CAD: variants seen among roughly 807,000 people sequenced by gnomAD.
CAD encodes the protein carbamoyl-phosphate synthetase 2, aspartate transcarbamylase, and dihydroorotase, also known as multifunctional protein CAD.
In CAD, 81 loss-of-function variants were observed where a neutral mutation model predicts 237.2. That is an observed-to-expected ratio of 0.34 (90% CI 0.29 to 0.41). The LOEUF is 0.41. Among genes scored for constraint, CAD ranks in the 10% least tolerant of loss-of-function variants. The probability of loss-of-function intolerance (pLI) is 1.00; values close to 1 mark genes in which losing one functional copy is unlikely to be tolerated. For synonymous variants in CAD, 1,196 were observed against 1,162.8 expected, an observed-to-expected ratio of 1.03 and a Z score of -0.58; for missense variants, 2,181 against 2,951.7, an observed-to-expected ratio of 0.74 and a Z score of 6.05.
Position 27,240,448 on chromosome 2 carries a change from C to A in CAD, c.5593+87C>A. On this transcript the variant is annotated intron_variant, in intron 35 of 43. Transcript: ENST00000264705. The surrounding 1 kb of genome is among the most constrained non-coding windows in gnomAD (Gnocchi z 4.6). ...GCCTCGCCTTTCTCTACTTACATGT[C>A]CTCCTCTCCATCCCTTTATCCTCGT... The A allele has an allele frequency of 6.8e-7, 1 of 1,478,534 alleles. No homozygotes were observed. Among genetic ancestry groups the A allele is most frequent in the Non-Finnish European group, 9.5e-7 (1 of 1,057,694 alleles). 91.6% of individuals were successfully genotyped at this position (1,478,534 alleles called of 1,614,324 possible).
In CAD at chr2:27,241,466, G is replaced by C. The variant is rs1356713828; in HGVS notation, c.5883+70G>C. 1 of 1,462,106 alleles carries C rather than the reference G, an allele frequency of 6.8e-7. No homozygotes were observed. Among genetic ancestry groups the C allele is most frequent in the Non-Finnish European group, 9.6e-7 (1 of 1,043,800 alleles). The allele number at this position is 1,462,106 out of a possible 1,614,324, so 90.6% of individuals were successfully genotyped here. On this transcript the variant is annotated intron_variant, in intron 38 of 43. Coordinates refer to ENST00000264705, the MANE Select transcript of CAD (RefSeq NM_004341.5). This position sits in a 1 kb window ranked among gnomAD's most constrained non-coding sequence, Gnocchi z 4.6. The stretch of plus-strand genomic sequence containing the variant: ...TTGGGCCGCATCAGCGCAGGGCCGC[G>C]CAGTGGTCAGAGTGGGTCTTCCTCC...
At chr2:27,225,553 C>CCCAA (rs372884350) in intron 11 of CAD, 152 bp from the exon 12 acceptor site, 2 of 618,442 alleles carry the variant, frequency 3.2e-6, no homozygotes, top group Admixed American at 2.8e-5. Flanking sequence ...TGATCCACCC[C>CCCAA]CCCGACCCTC....
chr2:27,236,252 G>C lies in CAD; in HGVS notation c.4075-32G>C. ...TAGCCTTCCTGACCGCTGCCAGACA[G>C]CTTGGCCCTGACCTTGACTCCGGGT... is the stretch of plus-strand genomic sequence containing the variant. On this transcript the variant is annotated intron_variant, in intron 25 of 43. Coordinates refer to ENST00000264705, the MANE Select transcript of CAD (RefSeq NM_004341.5). This position sits in a 1 kb window ranked among gnomAD's most constrained non-coding sequence, Gnocchi z 4.1. The C allele has an allele frequency of 6.2e-7, 1 of 1,608,998 alleles. No individual in the cohort carries two copies. The highest frequency in any genetic ancestry group is 1.1e-5 in the South Asian group (1 of 90,778).
chr2:27,225,622 C>G (rs1297764983), intron 11 of CAD, 83 bp from the exon 12 acceptor site: 1 of 1,097,472 alleles, frequency 9.1e-7, no homozygotes, highest in Non-Finnish European at 1.4e-6. Flanking sequence ...ATGTTATTTT[C>G]TTTATATCTT....
rs1161250149 is a variant in CAD at position 27,236,299 on chromosome 2, T to G, written c.4090T>G (p.Trp1364Gly). ...EHGVKVTAVD[W>G]HFEEAVDGEC... ...GGGTTGGCAGGTAACAGCTGTGGAC[T>G]GGCACTTTGAGGAGGCTGTGGATGG... is the stretch of plus-strand genomic sequence containing the variant. Residue 1364 changes from tryptophan (W) to glycine (G), a missense_variant, in exon 26 of 44, where the codon TGG (tryptophan) becomes GGG (glycine). Physicochemically the swap from Trp to Gly is radical, Grantham distance 184. Around this residue, in one of 12 missense-constraint regions of CAD, gnomAD observed 306 missense variants for 607.9 expected, o/e 0.50. Coordinates refer to ENST00000264705, the MANE Select transcript of CAD (RefSeq NM_004341.5). The surrounding 1 kb of genome is among the most constrained non-coding windows in gnomAD (Gnocchi z 4.1). 1 of 1,614,002 alleles carries G rather than the reference T, an allele frequency of 6.2e-7. No individual in the cohort carries two copies. Among genetic ancestry groups the G allele is most frequent in the Non-Finnish European group, 8.5e-7 (1 of 1,179,962 alleles).
Position 27,223,651 on chromosome 2 carries a change from G to A in CAD, c.898G>A (p.Glu300Lys), listed in dbSNP as rs1675290200. 1.2e-6 allele frequency: 2 copies of A among 1,614,024 alleles called. No homozygotes were observed. Among genetic ancestry groups the A allele is most frequent in the African/African-American group, 2.7e-5 (2 of 74,916 alleles). Residue 300 changes from glutamate (E) to lysine (K), a missense_variant, in exon 7 of 44, where the codon GAG becomes AAG. Glu to Lys is a moderately conservative substitution (Grantham distance 56). Around this residue, in one of 12 missense-constraint regions of CAD, gnomAD observed 129 missense variants for 143.3 expected, o/e 0.90. Coordinates refer to ENST00000264705, the MANE Select transcript of CAD (RefSeq NM_004341.5). Reference protein sequence around the residue: ...LTSQNHGFAVETDSLPADWAP... With the variant: ...LTSQNHGFAVKTDSLPADWAP... ...ATCCCAGAACCATGGGTTTGCTGTGGAGACAGACTCACTGCCAGCAGACTG... is the reference window on the plus strand; with the variant it reads ...ATCCCAGAACCATGGGTTTGCTGTGAAGACAGACTCACTGCCAGCAGACTG...
chr2:27,237,779 C>G lies in CAD; in HGVS notation c.4625C>G (p.Ala1542Gly). ...ALFLGASSEN[A>G]GTLGTVAGSA... ...TTCCTTGGGGCCTCGTCTGAAAATG[C>G]AGGAACCTTGGGCACCGTGGCCGGG... Residue 1542 changes from alanine (A) to glycine (G), a missense_variant, in exon 29 of 44, where the codon GCA becomes GGA. Physicochemically the swap from Ala to Gly is moderately conservative, Grantham distance 60. Transcript: ENST00000264705. This position sits in a 1 kb window ranked among gnomAD's most constrained non-coding sequence, Gnocchi z 4.0. The G allele has an allele frequency of 6.2e-7, 1 of 1,614,252 alleles. No homozygotes were observed.
rs1276938398 is a variant in CAD at position 27,242,500 on chromosome 2, G to A, written c.6222+73G>A. On this transcript the variant is annotated intron_variant, in intron 40 of 43. Transcript: ENST00000264705. This position sits in a 1 kb window ranked among gnomAD's most constrained non-coding sequence, Gnocchi z 6.4. ...GAGGGAGGCAGGAAGTGGTTACCCC[G>A]GTACAGGACAGCTGCATCAAGGAGG... 5.7e-6 allele frequency: 9 copies of A among 1,577,760 alleles called. No homozygotes were observed. Among genetic ancestry groups the A allele is most frequent in the East Asian group, 4.5e-5 (2 of 44,372 alleles).
Position 27,242,595 on chromosome 2 carries a change from T to C in CAD, c.6223-25T>C, listed in dbSNP as rs763863308. 3.5e-5 allele frequency: 55 copies of C among 1,578,358 alleles called. No individual in the cohort carries two copies. The highest frequency in any genetic ancestry group is 4.4e-5 in the Non-Finnish European group (51 of 1,158,094). On this transcript the variant is annotated intron_variant, in intron 40 of 43. Coordinates refer to ENST00000264705, the MANE Select transcript of CAD (RefSeq NM_004341.5). This position sits in a 1 kb window ranked among gnomAD's most constrained non-coding sequence, Gnocchi z 6.4. ...CGGGGGGCACTCAGTCTGGGATCCC[T>C]GTGGTGACTGGATTCCTCTCCTAGA...
chr2:27,242,163 T>C lies in CAD; in HGVS notation c.6096+40T>C. 1.2e-6 allele frequency: 2 copies of C among 1,603,812 alleles called. No individual in the cohort carries two copies. The highest frequency in any genetic ancestry group is 1.7e-6 in the Non-Finnish European group (2 of 1,173,576). On this transcript the variant is annotated intron_variant, in intron 39 of 43. Transcript: ENST00000264705. This position sits in a 1 kb window ranked among gnomAD's most constrained non-coding sequence, Gnocchi z 6.4. ...GGTACTGAGATGGGGTTAAGAAGGC[T>C]GGACCCAGGGGCATGAGAACCCTTC...
chr2:27,243,558 C>T lies in CAD; in HGVS notation c.*40C>T, dbSNP rs1343166690. The T allele has an allele frequency of 3.0e-5, 45 of 1,483,176 alleles. No homozygotes were observed. Among genetic ancestry groups the T allele is most frequent in the Non-Finnish European group, 4.1e-5 (44 of 1,084,402 alleles). 91.9% of individuals were successfully genotyped at this position (1,483,176 alleles called of 1,614,324 possible). On this transcript the variant is annotated 3_prime_UTR_variant, in exon 44 of 44. Coordinates refer to ENST00000264705, the MANE Select transcript of CAD (RefSeq NM_004341.5). ...AGCCTCTTCTCTTTAGGCCCAGCTGCTGGGCAAGGAATTCCAGTGCCTCCT... is the reference window on the plus strand; with the variant it reads ...AGCCTCTTCTCTTTAGGCCCAGCTGTTGGGCAAGGAATTCCAGTGCCTCCT...
Position 27,223,682 on chromosome 2 carries a change from C to T in CAD, c.929C>T (p.Pro310Leu). 1.2e-6 allele frequency: 2 copies of T among 1,614,212 alleles called. No individual in the cohort carries two copies. Among genetic ancestry groups the T allele is most frequent in the East Asian group, 2.2e-5 (1 of 44,888 alleles). Residue 310 changes from proline to leucine, a missense_variant, in exon 7 of 44, where the codon CCT becomes CTT. Pro to Leu is a moderately conservative substitution (Grantham distance 98). Around this residue, in one of 12 missense-constraint regions of CAD, gnomAD observed 129 missense variants for 143.3 expected, o/e 0.90. Transcript: ENST00000264705. ...GACTCACTGCCAGCAGACTGGGCTC[C>T]TCTCTTCACCAACGCCAATGATGGT... ...ETDSLPADWA[P>L]LFTNANDGSN...
In CAD at chr2:27,236,242, C is replaced by T; in HGVS notation, c.4075-42C>T. 1.2e-6 allele frequency: 2 copies of T among 1,604,710 alleles called. No individual in the cohort carries two copies. Among genetic ancestry groups the T allele is most frequent in the Non-Finnish European group, 1.7e-6 (2 of 1,174,056 alleles). On this transcript the variant is annotated intron_variant, in intron 25 of 43. Transcript: ENST00000264705. The surrounding 1 kb of genome is among the most constrained non-coding windows in gnomAD (Gnocchi z 4.1). ...CCCTTAAGGCTAGCCTTCCTGACCGCTGCCAGACAGCTTGGCCCTGACCTT... is the reference window on the plus strand; with the variant it reads ...CCCTTAAGGCTAGCCTTCCTGACCGTTGCCAGACAGCTTGGCCCTGACCTT...
chr2:27,243,618 C>T lies in CAD; in HGVS notation c.*100C>T. The T allele has an allele frequency of 1.1e-6, 1 of 915,872 alleles. No individual in the cohort carries two copies. Among genetic ancestry groups the T allele is most frequent in the Non-Finnish European group, 1.7e-6 (1 of 587,952 alleles). 56.7% of individuals were successfully genotyped at this position (915,872 alleles called of 1,614,324 possible). ...GCACACTTAGATATTCCTGGACATC[C>T]AGATAGCTCACATGTGCTGACCACA... On this transcript the variant is annotated 3_prime_UTR_variant, in exon 44 of 44. Transcript: ENST00000264705.
rs776970628 is a variant in CAD at position 27,232,258 on chromosome 2, A to G, written c.2645+34A>G. ...TGGCAATGAGAGCTTCCGGCTGGGA[A>G]ATGTGGGGCAGAACCTTTGTATCAG... On this transcript the variant is annotated intron_variant, in intron 17 of 43. Coordinates refer to ENST00000264705, the MANE Select transcript of CAD (RefSeq NM_004341.5). This position sits in a 1 kb window ranked among gnomAD's most constrained non-coding sequence, Gnocchi z 4.1. 1.2e-6 allele frequency: 2 copies of G among 1,610,126 alleles called. No homozygotes were observed. Among genetic ancestry groups the G allele is most frequent in the Non-Finnish European group, 1.7e-6 (2 of 1,178,836 alleles).
rs1481426646 is a variant in CAD at position 27,223,686 on chromosome 2, C to T, written c.933C>T (p.Leu311=). 1 of 1,614,206 alleles carries T rather than the reference C, an allele frequency of 6.2e-7. No homozygotes were observed. Among genetic ancestry groups the T allele is most frequent in the Admixed American group, 1.7e-5 (1 of 60,030 alleles). ...TDSLPADWAP[L]FTNANDGSNE... is the part of the protein sequence containing the mutation. ...CACTGCCAGCAGACTGGGCTCCTCT[C>T]TTCACCAACGCCAATGATGGTTCCA... is the stretch of plus-strand genomic sequence containing the variant. The change falls in exon 7 of 44, where the codon CTC becomes CTT. Residue 311 remains leucine, a synonymous_variant. Transcript: ENST00000264705.
chr2:27,222,237 G>T lies in CAD; in HGVS notation c.396G>T (p.Gly132=), dbSNP rs752277453. Residue 132 remains glycine, a synonymous_variant, in exon 4 of 44, where the codon GGG becomes GGT. Coordinates refer to ENST00000264705, the MANE Select transcript of CAD (RefSeq NM_004341.5). ...RELTKKLREQ[G]SLLGKLVQNG... ...TGACCAAGAAGTTGCGGGAACAGGG[G>T]TCTCTGCTGGGGAAGCTGGTCCAGA... The T allele has an allele frequency of 4.3e-6, 7 of 1,613,904 alleles. No homozygotes were observed. The highest frequency in any genetic ancestry group is 1.3e-5 in the African/African-American group (1 of 74,850).
chr2:27,239,577 C>A lies in CAD; in HGVS notation c.5394+106C>A. 1 of 1,525,622 alleles carries A rather than the reference C, an allele frequency of 6.6e-7. No homozygotes were observed. Among genetic ancestry groups the A allele is most frequent in the South Asian group, 1.2e-5 (1 of 83,996 alleles). The allele number at this position is 1,525,622 out of a possible 1,614,324, so 94.5% of individuals were successfully genotyped here. A position where few individuals can be genotyped will look rare whatever the true frequency, so the allele number is the denominator to read the frequency against. On this transcript the variant is annotated intron_variant, in intron 33 of 43. Transcript: ENST00000264705. The surrounding 1 kb of genome is among the most constrained non-coding windows in gnomAD (Gnocchi z 4.0). The stretch of plus-strand genomic sequence containing the variant: ...ACTGTCCCACTATGTGCACCACTGC[C>A]CTGGACCAGGGGTTGGGGGCACAGC...
intron 6 of CAD, 147 bp from the exon 7 acceptor site, chr2:27,223,412 CAGAG>C (rs1675275716): frequency 1.5e-6 from 1 of 685,244 alleles, no homozygotes; most frequent in Admixed American, 3.1e-5. Flanking sequence ...GCCCGGGAAA[CAGAG>C]GGAGACTCCG....
Sources: allele counts gnomAD v4.1 joint callset, GRCh38; gene constraint gnomAD v4.1.1; regional missense constraint gnomAD v4.1.1; non-coding constraint Gnocchi (gnomAD v3.1); transcripts MANE v1.5; gene names NCBI Gene and HGNC (gene_info 2026-07-23, HGNC 2026-07-21).